AGPAT5: variants seen among roughly 807,000 people sequenced by gnomAD.
AGPAT5 encodes the protein 1-acylglycerol-3-phosphate O-acyltransferase 5, also known as 1-acyl-sn-glycerol-3-phosphate acyltransferase epsilon.
Under a neutral mutation model 45.6 loss-of-function variants are expected in AGPAT5, and 46 were observed. That is an observed-to-expected ratio of 1.01 (90% CI 0.80 to 1.29). AGPAT5 has a LOEUF of 1.29. Ranked by LOEUF, AGPAT5 falls within the 50% of genes most tolerant of loss-of-function variation. The pLI, the probability that AGPAT5 is intolerant of heterozygous loss-of-function variation, is 0.00. For missense variants in AGPAT5, 673 were observed against 450.7 expected, an observed-to-expected ratio of 1.49 and a Z score of -4.47; for synonymous variants, 272 against 167.0, an observed-to-expected ratio of 1.63 and a Z score of -4.85.
Position 6,759,989 on chromosome 8 carries a change from T to C in AGPAT5, c.*2601T>C, listed in dbSNP as rs1449238832. On this transcript the variant is annotated 3_prime_UTR_variant, in exon 8 of 8. Coordinates refer to ENST00000285518, the MANE Select transcript of AGPAT5 (RefSeq NM_018361.5). ...TAAAAGTGCCGATCTGGCTAACTCT[T>C]ACACCATACATACTGATAGTTTTTC... is the stretch of plus-strand genomic sequence containing the variant. Among the ~76,000 whole-genome samples the C allele has an allele frequency of 2.6e-5, 4 of 152,362 alleles. No individual in the cohort carries two copies. Among genetic ancestry groups the C allele is most frequent in the Admixed American group, 2.6e-4 (4 of 15,296 alleles).
intron 7 of AGPAT5, 118 bp downstream of exon 7, chr8:6,755,292 C>G (rs750910515): frequency 8.5e-7 from 1 of 1,170,202 alleles, no homozygotes; most frequent in Non-Finnish European, 1.2e-6. Flanking sequence ...TTTATAAATT[C>G]AAATCAAATT....
intron 3 of AGPAT5, among the ~76,000 whole-genome samples, chr8:6,732,326 C>G (rs1800891470): frequency 1.3e-5 from 2 of 152,222 alleles, no homozygotes; most frequent in African/African-American, 4.8e-5. Context: ...CAAAACTAAA[C>G]TTCATGTGTT....
At chr8:6,723,780 C>T (rs1373191150) in intron 1 of AGPAT5, among the ~76,000 whole-genome samples, 1 of 152,154 alleles carries the variant, frequency 6.6e-6, no homozygotes, top group African/African-American at 2.4e-5. Context: ...CCCTGGCTTC[C>T]AGAACTTTAT....
intron 2 of AGPAT5, among the ~76,000 whole-genome samples, chr8:6,725,494 A>G (rs1480344001): frequency 6.6e-6 from 1 of 152,232 alleles, no homozygotes; most frequent in East Asian, 1.9e-4. Context: ...AGATACTTCT[A>G]AAAACCTTTG....
At position 6,760,014 on chromosome 8, in the gene AGPAT5, CAT is replaced by C. The variant is rs1182185138; in HGVS notation, c.*2629_*2630del. On this transcript the variant is annotated 3_prime_UTR_variant, in exon 8 of 8. Coordinates refer to ENST00000285518, the MANE Select transcript of AGPAT5 (RefSeq NM_018361.5). ...TACACCATACATACTGATAGTTTTT[CAT>C]ATGTTTCATTTCCATGTGATTTTTA... Among the ~76,000 whole-genome samples the C allele has an allele frequency of 3.3e-5, 5 of 152,146 alleles. No individual in the cohort carries two copies. In the South Asian group the frequency reaches 8.3e-4, roughly 25 times the overall value.
chr8:6,726,283 T>A (rs181969192), intron 2 of AGPAT5, among the ~76,000 whole-genome samples: 2 of 152,352 alleles, frequency 1.3e-5, no homozygotes, highest in Admixed American at 1.3e-4. Context: ...ACAAAAGGGA[T>A]CTGTGGGCCC....
intron 1 of AGPAT5, 79 bp downstream of exon 1, chr8:6,708,966 G>A (rs750857299): frequency 2.1e-6 from 3 of 1,415,084 alleles, no homozygotes; most frequent in East Asian, 2.4e-5. Context: ...CCCCACAGCT[G>A]GCGAGGGTCA....
intron 6 of AGPAT5, among the ~76,000 whole-genome samples, chr8:6,753,610 C>CA (rs887989306): frequency 2.0e-5 from 3 of 152,202 alleles, no homozygotes; most frequent in African/African-American, 4.8e-5. Context: ...GAGAGGCGGA[C>CA]AGTTGTCCAA....
At chr8:6,739,538 A>T (rs1251688031) in intron 4 of AGPAT5, among the ~76,000 whole-genome samples, 1 of 152,086 alleles carries the variant, frequency 6.6e-6, no homozygotes, top group African/African-American at 2.4e-5. Flanking sequence ...TTTTGATACT[A>T]TTGTAGATGA....
chr8:6,710,226 A>G (rs946895366), intron 1 of AGPAT5, among the ~76,000 whole-genome samples: 14 of 152,176 alleles, frequency 9.2e-5, no homozygotes, highest in Admixed American at 8.5e-4. Flanking sequence ...TTGGTTTGGC[A>G]AGTTCTTATT....
chr8:6,721,678 C>T (rs1367751952), intron 1 of AGPAT5, among the ~76,000 whole-genome samples: 1 of 152,142 alleles, frequency 6.6e-6, no homozygotes, highest in East Asian at 1.9e-4. Flanking sequence ...TACTTTAGAA[C>T]CTACCTCTTA....
chr8:6,745,514 T>C (rs1801412696), intron 5 of AGPAT5, among the ~76,000 whole-genome samples: 1 of 152,200 alleles, frequency 6.6e-6, no homozygotes, highest in African/African-American at 2.4e-5. Flanking sequence ...TCACATAACT[T>C]TTGACATTAT....
At chr8:6,719,797 G>A (rs1266722706) in intron 1 of AGPAT5, among the ~76,000 whole-genome samples, 1 of 152,160 alleles carries the variant, frequency 6.6e-6, no homozygotes, top group Non-Finnish European at 1.5e-5. Flanking sequence ...TGCTCCTAAT[G>A]GTGGTATTCT....
At chr8:6,708,954 T>G (rs759102557) in intron 1 of AGPAT5, 67 bp downstream of exon 1, 197 of 1,458,260 alleles carry the variant, frequency 1.4e-4, no homozygotes, top group Non-Finnish European at 1.6e-4. Context: ...ACCTCTCCGC[T>G]CCCCCACAGC....
intron 2 of AGPAT5, among the ~76,000 whole-genome samples, chr8:6,729,286 C>T (rs1164223102): frequency 6.6e-6 from 1 of 151,204 alleles, no homozygotes; most frequent in Non-Finnish European, 1.5e-5. Context: ...GAAAACTGTC[C>T]TCTTTGGCTA....
intron 5 of AGPAT5, among the ~76,000 whole-genome samples, chr8:6,744,000 A>G (rs1197023287): frequency 6.6e-6 from 1 of 152,074 alleles, no homozygotes; most frequent in Non-Finnish European, 1.5e-5. Flanking sequence ...CTACAAAGCA[A>G]TTTTTTTCTT....
At position 6,751,343 on chromosome 8, in the gene AGPAT5, A is replaced by G. The variant is rs1409027353; in HGVS notation, c.745+3515A>G. Reference sequence around the variant, plus strand: ...GTAGATTGTTGATATGCCATGGCCCAGTGTTTCTCAAAGCATTCTGGGGGA... The same window carrying G: ...GTAGATTGTTGATATGCCATGGCCCGGTGTTTCTCAAAGCATTCTGGGGGA... On this transcript the variant is annotated intron_variant, in intron 6 of 7. Transcript: ENST00000285518. Among the ~76,000 whole-genome samples the G allele has an allele frequency of 2.6e-5, 4 of 152,328 alleles. No homozygotes were observed. In the East Asian group the frequency reaches 7.7e-4, roughly 29 times the overall value.
intron 1 of AGPAT5, chr8:6,709,199 C>A (rs1187926748): frequency 4.7e-6 from 2 of 422,704 alleles, no homozygotes; most frequent in African/African-American, 2.1e-5. Flanking sequence ...ATAGGGCACG[C>A]GTTTAGCAGT....
At position 6,708,741 on chromosome 8, in the gene AGPAT5, G is replaced by A. The variant is rs755525610; in HGVS notation, c.73G>A (p.Ala25Thr). The A allele has an allele frequency of 1.2e-6, 2 of 1,607,774 alleles. No homozygotes were observed. The highest frequency in any genetic ancestry group is 2.2e-5 in the East Asian group (1 of 44,852). ...LLPSVVLLGT[A>T]PTYVLAWGVW... Reference sequence around the variant, plus strand: ...GCCCAGCGTCGTGCTCCTGGGCACGGCGCCCACCTACGTGTTGGCCTGGGG... The same window carrying A: ...GCCCAGCGTCGTGCTCCTGGGCACGACGCCCACCTACGTGTTGGCCTGGGG... The change falls in exon 1 of 8, where the codon GCG becomes ACG. Residue 25 changes from alanine to threonine, a missense_variant. Physicochemically the swap from Ala to Thr is moderately conservative, Grantham distance 58. Transcript: ENST00000285518.
Sources: gnomAD v4.1 joint callset for allele counts (sites outside exome capture counted in the v4.1 genomes callset) on GRCh38, gnomAD v4.1.1 for gene constraint, MANE v1.5 for transcripts, NCBI Gene and HGNC (gene_info 2026-07-23, HGNC 2026-07-21) for gene names.